ZNF568: variants seen among roughly 807,000 people sequenced by gnomAD.
ZNF568 encodes zinc finger protein 568, also known as p53 inhibitor of SCO2 activation.
Under a neutral mutation model 18.1 loss-of-function variants are expected in ZNF568, and 11 were observed. The observed-to-expected ratio is 0.61, with a 90% CI of 0.38 to 1.00. The LOEUF (loss-of-function observed/expected upper bound fraction) is 1.00. ZNF568 is among the 50% of genes least tolerant of loss of function. The probability of loss-of-function intolerance (pLI) is 0.01; values close to 1 mark genes in which losing one functional copy is unlikely to be tolerated. For missense variants in ZNF568, 639 were observed against 768.2 expected (o/e 0.83, Z 1.99); for synonymous variants, 213 against 246.6 (o/e 0.86, Z 1.28).
exon 5 of ZNF568, chr19:36,996,478 C>A (rs1455183736): frequency 8.5e-6 from 13 of 1,536,238 alleles, no homozygotes; most frequent in Middle Eastern, 3.3e-4. Flanking sequence ...AGCTGTAATA[C>A]CATTTACTTC....
downstream of ZNF568, chr19:36,997,577 G>T (rs752252615): frequency 6.3e-7 from 1 of 1,577,242 alleles, no homozygotes; most frequent in Admixed American, 1.8e-5. Context: ...AAGCCCTTTG[G>T]TGGTGGCTCA....
chr19:36,950,438 C>CA lies in ZNF568; in HGVS notation c.1286dup (p.Ser430GlufsTer14). 1 of 1,613,292 alleles carries CA rather than the reference C, an allele frequency of 6.2e-7. No homozygotes were observed. Among genetic ancestry groups the CA allele is most frequent in the Non-Finnish European group, 8.5e-7 (1 of 1,179,410 alleles). On this transcript the variant is annotated frameshift_variant, in exon 7 of 7. Transcript: ENST00000333987. LOFTEE classifies it low-confidence loss of function (END_TRUNC). ...TAGTGAATGTGGGAAAGCCTTCTCTCAGAGTTCATCCCTAACCGTACATAT... is the reference window on the plus strand; with the variant it reads ...TAGTGAATGTGGGAAAGCCTTCTCTCAAGAGTTCATCCCTAACCGTACATAT...
At chr19:36,978,048 C>T (rs1293877931) in intron 7 of ZNF568, among the ~76,000 whole-genome samples, 1 of 152,204 alleles carries the variant, frequency 6.6e-6, no homozygotes, top group East Asian at 1.9e-4. Flanking sequence ...CTGTCTTTTG[C>T]CTTGTGGGAG....
downstream of ZNF568, among the ~76,000 whole-genome samples, chr19:36,955,730 A>G (rs182832174): frequency 6.6e-6 from 1 of 152,336 alleles, no homozygotes; most frequent in East Asian, 1.9e-4. Context: ...AAAACATACT[A>G]ATAGTGGCTT....
chr19:36,941,230 G>A (rs988450237), intron 6 of ZNF568, among the ~76,000 whole-genome samples: 1 of 152,062 alleles, frequency 6.6e-6, no homozygotes, highest in Non-Finnish European at 1.5e-5. Flanking sequence ...GAACTCCAGG[G>A]GCGTGGAAAA....
chr19:36,993,418 C>T (rs976658702), intron 4 of ZNF568, among the ~76,000 whole-genome samples: 1 of 152,130 alleles, frequency 6.6e-6, no homozygotes, highest in African/African-American at 2.4e-5. Flanking sequence ...CAGGGTAATA[C>T]AGGCCTCAGA....
At chr19:36,997,389 G>T, downstream of ZNF568, 1 of 1,590,938 alleles carries the variant, frequency 6.3e-7, no homozygotes, top group Non-Finnish European at 8.6e-7. Context: ...ATGAGTGTAA[G>T]GAATGTGAAA....
In ZNF568 at chr19:36,922,654, A is replaced by G; in HGVS notation, c.-117A>G. 1 of 707,276 alleles carries G rather than the reference A, an allele frequency of 1.4e-6. No individual in the cohort carries two copies. The highest frequency in any genetic ancestry group is 2.2e-5 in the South Asian group (1 of 45,802). The allele number at this position is 707,276 out of a possible 1,614,324, so 43.8% of individuals were successfully genotyped here. A position where few individuals can be genotyped will look rare whatever the true frequency, so the allele number is the denominator to read the frequency against. On this transcript the variant is annotated 5_prime_UTR_variant, in exon 3 of 7. An upstream start codon of the reference 5' UTR is lost. Transcript: ENST00000333987. ...AAGTCTGAGGAACAGGTGTCTTATC[A>G]TGGAAGGAGACCTGACCTGAGACCT... is the stretch of plus-strand genomic sequence containing the variant.
intron 6 of ZNF568, among the ~76,000 whole-genome samples, chr19:36,968,829 T>C (rs771823773): frequency 6.6e-6 from 1 of 151,736 alleles, no homozygotes; most frequent in African/African-American, 2.4e-5. Context: ...TGTTGACAAT[T>C]TGTGAATCTA....
At chr19:36,956,592 TA>T (rs201630976), downstream of ZNF568, among the ~76,000 whole-genome samples, 23 of 146,476 alleles carry the variant, frequency 1.6e-4, no homozygotes, top group South Asian at 9.1e-4. Context: ...AATTGAAATT[TA>T]AAAAAAACTT....
In ZNF568 at chr19:36,951,053, A is replaced by T; in HGVS notation, c.1900A>T (p.Arg634Ter). The T allele has an allele frequency of 6.3e-7, 1 of 1,589,416 alleles. No homozygotes were observed. The highest frequency in any genetic ancestry group is 8.5e-7 in the Non-Finnish European group (1 of 1,170,640). ...AAGAGCATCCCTTTCTATACATAAGAGAGGTCATACAGGTGAGAGACACCA... is the reference window on the plus strand; with the variant it reads ...AAGAGCATCCCTTTCTATACATAAGTGAGGTCATACAGGTGAGAGACACCA... ...SQRASLSIHK[R>*]GHTGERHQVY Residue 634 changes from arginine (R) to a stop codon, truncating the protein, a stop_gained, in exon 7 of 7, where the codon AGA becomes TGA. Coordinates refer to ENST00000333987, the MANE Select transcript of ZNF568 (RefSeq NM_198539.4). LOFTEE classifies it high-confidence loss of function.
At chr19:36,937,297 G>A (rs568063895) in intron 6 of ZNF568, 55 bp downstream of exon 6, 9 of 1,453,840 alleles carry the variant, frequency 6.2e-6, no homozygotes, top group African/African-American at 1.4e-5. Flanking sequence ...GTTGTTCAGT[G>A]AAGGGTTGAT....
intron 6 of ZNF568, among the ~76,000 whole-genome samples, chr19:36,970,839 C>T (rs1363802024): frequency 6.6e-6 from 1 of 152,056 alleles, no homozygotes; most frequent in Non-Finnish European, 1.5e-5. Context: ...GGTTATTATT[C>T]TGTTCAGATT....
chr19:36,983,408 G>A (rs776681645), downstream of ZNF568, among the ~76,000 whole-genome samples: 28 of 152,082 alleles, frequency 1.8e-4, no homozygotes, highest in Non-Finnish European at 3.8e-4. Flanking sequence ...TTTACTACCC[G>A]CATCCTCCCC....
chr19:36,979,058 A>C (rs908216528), exon 8 of ZNF568: 3 of 299,914 alleles, frequency 1.0e-5, no homozygotes, highest in African/African-American at 2.5e-5. Context: ...ATCTCAGCTC[A>C]CCGCAACCTC....
At chr19:36,985,297 G>A (rs1238590034) in intron 2 of ZNF568, among the ~76,000 whole-genome samples, 3 of 151,176 alleles carry the variant, frequency 2.0e-5, no homozygotes, top group Admixed American at 2.0e-4. Context: ...TTATTACATT[G>A]CTTCCATTTT....
At chr19:36,969,715 G>C (rs1187500160) in intron 6 of ZNF568, among the ~76,000 whole-genome samples, 1 of 148,512 alleles carries the variant, frequency 6.7e-6, no homozygotes, top group African/African-American at 2.5e-5. Flanking sequence ...TGACCCTCCT[G>C]CCTTCCTCTT....
chr19:36,916,628 T>G lies in ZNF568; in HGVS notation c.-256+37T>G, dbSNP rs963047441. ...CAGTTGATGGGACAAAAAACTGTGA[T>G]GGGAGTTAGTGTGGGTGTGTGGTTG... is the stretch of plus-strand genomic sequence containing the variant. On this transcript the variant is annotated intron_variant, in intron 1 of 6. Transcript: ENST00000333987. The surrounding 1 kb of genome is among the most constrained non-coding windows in gnomAD (Gnocchi z 5.3). The G allele has an allele frequency of 6.6e-6, 1 of 152,664 alleles. No individual in the cohort carries two copies. Among genetic ancestry groups the G allele is most frequent in the African/African-American group, 2.4e-5 (1 of 41,376 alleles). 9.5% of individuals were successfully genotyped at this position (152,664 alleles called of 1,614,324 possible). A position where few individuals can be genotyped will look rare whatever the true frequency, so the allele number is the denominator to read the frequency against.
intron 6 of ZNF568, among the ~76,000 whole-genome samples, chr19:36,961,461 T>C (rs528364916): frequency 6.7e-6 from 1 of 150,360 alleles, no homozygotes; most frequent in Non-Finnish European, 1.5e-5. Context: ...GGGATCTTTT[T>C]AAAAAAAAAA....
Sources: gnomAD v4.1 joint callset for allele counts (sites outside exome capture counted in the v4.1 genomes callset) on GRCh38, gnomAD v4.1.1 for gene constraint, Gnocchi (gnomAD v3.1) non-coding constraint, MANE v1.5 for transcripts, NCBI Gene and HGNC (gene_info 2026-07-23, HGNC 2026-07-21) for gene names.